TSNAXIP1: variants seen among roughly 807,000 people sequenced by gnomAD.
The protein encoded by TSNAXIP1 is translin associated factor X interacting protein 1.
In TSNAXIP1, 89 loss-of-function variants were observed where a neutral mutation model predicts 84.8. That is an observed-to-expected ratio of 1.05 (90% confidence interval 0.88 to 1.25). The LOEUF (loss-of-function observed/expected upper bound fraction) is 1.25. Among genes scored for constraint, TSNAXIP1 ranks in the 50% most tolerant of loss-of-function variants. TSNAXIP1 has a pLI of 0.00. For synonymous variants in TSNAXIP1, 347 were observed against 335.2 expected (o/e 1.04, Z -0.39); for missense variants, 874 against 887.6 (o/e 0.98, Z 0.20).
rs2055508510 is a variant in TSNAXIP1, at chr16:67,807,142, C to G, written c.-8C>G. On this transcript the variant is annotated 5_prime_UTR_variant, in exon 1 of 16. Transcript: ENST00000561639. ...CGCGGGTGCTGATTGCCCGCCTGCC[C>G]GTGGGTCATGGCCTGCCAGCAGTCG... 3.3e-6 allele frequency: 5 copies of G among 1,535,058 alleles called. No individual in the cohort carries two copies. Among genetic ancestry groups the G allele is most frequent in the Non-Finnish European group, 4.4e-6 (5 of 1,146,778 alleles).
At position 67,814,286 on chromosome 16, in the gene TSNAXIP1, T is replaced by C; in HGVS notation, c.48-16T>C. The C allele has an allele frequency of 6.5e-7, 1 of 1,530,764 alleles. No individual in the cohort carries two copies. Among genetic ancestry groups the C allele is most frequent in the Non-Finnish European group, 8.8e-7 (1 of 1,142,134 alleles). The allele number at this position is 1,530,764 out of a possible 1,614,324, so 94.8% of individuals were successfully genotyped here. A position where few individuals can be genotyped will look rare whatever the true frequency, so the allele number is the denominator to read the frequency against. On this transcript the variant is annotated splice_polypyrimidine_tract_variant and intron_variant, in intron 1 of 15. Transcript: ENST00000561639. ...GGACTCTGTCACCCACCATCAGCTT[T>C]CCCTTCTCTGTGCAGATTACAGCCA...
chr16:67,819,795 A>G (rs2151232163), intron 2 of TSNAXIP1, among the ~76,000 whole-genome samples: 1 of 143,604 alleles, frequency 7.0e-6, no homozygotes, highest in South Asian at 2.3e-4. Context: ...CTATAAGCAC[A>G]TGCCACCACA....
At chr16:67,809,396 T>C (rs1656262724) in intron 1 of TSNAXIP1, among the ~76,000 whole-genome samples, 1 of 148,326 alleles carries the variant, frequency 6.7e-6, no homozygotes. Flanking sequence ...GAGGTGGAGG[T>C]TGCAGTGAGC....
chr16:67,823,461 T>C (rs2057213188), intron 4 of TSNAXIP1, among the ~76,000 whole-genome samples, 165 bp from the exon 5 acceptor site: 2 of 151,882 alleles, frequency 1.3e-5, no homozygotes, highest in African/African-American at 4.8e-5. Context: ...GAGAATCACT[T>C]GAACCTGGGA....
chr16:67,820,919 AC>A lies in TSNAXIP1; in HGVS notation c.231del (p.Cys78ValfsTer9). 3 of 1,604,350 alleles carry A rather than the reference AC, an allele frequency of 1.9e-6. No individual in the cohort carries two copies. Among genetic ancestry groups the A allele is most frequent in the Non-Finnish European group, 2.6e-6 (3 of 1,175,424 alleles). The stretch of plus-strand genomic sequence containing the variant: ...GCCAGACCATTTTGCAAAATCGAAA[AC>A]CCTGTTCAGATGACTACCGGAAGCG... ...SGQTILQNRK[P>X]CSDDYRKRVG... On this transcript the variant is annotated frameshift_variant, in exon 3 of 16. Coordinates refer to ENST00000561639, the MANE Select transcript of TSNAXIP1 (RefSeq NM_001288990.3). LOFTEE classifies it high-confidence loss of function.
rs756673528 is a variant in TSNAXIP1 at position 67,825,815 on chromosome 16, C to T, written c.963C>T (p.Thr321=). 2 of 1,614,022 alleles carry T rather than the reference C, an allele frequency of 1.2e-6. No homozygotes were observed. Among genetic ancestry groups the T allele is most frequent in the East Asian group, 2.2e-5 (1 of 44,890 alleles). ...PRRDFEMQEK[T]NKDLQEQLDT... ...GGGACTTTGAAATGCAGGAGAAGACCAACAAGGATCTTCAGGAGCAGGTGC... is the reference window on the plus strand; with the variant it reads ...GGGACTTTGAAATGCAGGAGAAGACTAACAAGGATCTTCAGGAGCAGGTGC... Residue 321 remains threonine, a synonymous_variant, in exon 8 of 16, where the codon ACC becomes ACT. Coordinates refer to ENST00000561639, the MANE Select transcript of TSNAXIP1 (RefSeq NM_001288990.3).
intron 12 of TSNAXIP1, 31 bp from the exon 13 acceptor site, chr16:67,826,932 C>T: frequency 6.2e-7 from 1 of 1,613,426 alleles, no homozygotes; most frequent in Non-Finnish European, 8.5e-7. Context: ...CTCCCAGGAA[C>T]AGCAGGTGAA....
chr16:67,811,436 C>CTTTTTTTTTTTTTT (rs1190285857), intron 1 of TSNAXIP1, among the ~76,000 whole-genome samples: 1 of 101,980 alleles, frequency 9.8e-6, no homozygotes, highest in African/African-American at 4.4e-5. Context: ...ATTGATTAGT[C>CTTTTTTTTTTTTTT]TTTTTTTTTT....
chr16:67,819,815 A>ATT lies in TSNAXIP1; in HGVS notation c.148-1003_148-1002dup, dbSNP rs1162375778. On this transcript the variant is annotated intron_variant, in intron 2 of 15. Coordinates refer to ENST00000561639, the MANE Select transcript of TSNAXIP1 (RefSeq NM_001288990.3). ...AGCACATGCCACCACACCTGGCTAA[A>ATT]TTTTTTTTTTTTTTTTTTTTTTGAG... Among the ~76,000 whole-genome samples the ATT allele has an allele frequency of 5.8e-4, 60 of 102,614 alleles. 1 individual carries two copies. The highest frequency in any genetic ancestry group is 1.3e-3 in the African/African-American group (32 of 23,816). The allele number at this position is 102,614 out of a possible 152,430, so 67.3% of individuals were successfully genotyped here.
At chr16:67,818,703 CTTT>C (rs910240626) in intron 2 of TSNAXIP1, among the ~76,000 whole-genome samples, 7 of 135,530 alleles carry the variant, frequency 5.2e-5, no homozygotes, top group East Asian at 2.1e-4. Flanking sequence ...AGACCCCATC[CTTT>C]TTTTTTTTTT....
At chr16:67,826,915 C>T in intron 12 of TSNAXIP1, 48 bp from the exon 13 acceptor site, 1 of 1,612,688 alleles carries the variant, frequency 6.2e-7, no homozygotes. Context: ...CAGCTTTGCC[C>T]CCACCACTCC....
At chr16:67,811,840 A>C (rs1261704340) in intron 1 of TSNAXIP1, among the ~76,000 whole-genome samples, 1 of 152,076 alleles carries the variant, frequency 6.6e-6, no homozygotes, top group African/African-American at 2.4e-5. Flanking sequence ...TCTCACACCC[A>C]AGCTCATCTG....
At position 67,827,744 on chromosome 16, in the gene TSNAXIP1, G is replaced by A. The variant is rs1029443026; in HGVS notation, c.1899-9G>A. 15 of 1,613,736 alleles carry A rather than the reference G, an allele frequency of 9.3e-6. No homozygotes were observed. The highest frequency in any genetic ancestry group is 8.3e-5 in the Admixed American group (5 of 59,990). On this transcript the variant is annotated splice_polypyrimidine_tract_variant and intron_variant, in intron 15 of 15. Transcript: ENST00000561639. ...GTCAGGGCCTGTCACTCTCTTTCCT[G>A]TGGGGCAGCCATGAGGAAGTGACTC...
chr16:67,814,400 T>TTCACTAACGAA lies in TSNAXIP1; in HGVS notation c.146_147insTCACTAACGAA (p.Thr50HisfsTer2). 1 of 1,535,716 alleles carries TTCACTAACGAA rather than the reference T, an allele frequency of 6.5e-7. No individual in the cohort carries two copies. Among genetic ancestry groups the TTCACTAACGAA allele is most frequent in the Non-Finnish European group, 8.7e-7 (1 of 1,146,592 alleles). On this transcript the variant is annotated stop_gained and frameshift_variant and splice_region_variant, in exon 2 of 16. Coordinates refer to ENST00000561639, the MANE Select transcript of TSNAXIP1 (RefSeq NM_001288990.3). LOFTEE classifies it high-confidence loss of function. ...AAGCTTCTTCAGAAACGAAGGACGCTGGTTAGTGACAATGTTGTTTTGGAA... is the reference window on the plus strand; with the variant it reads ...AAGCTTCTTCAGAAACGAAGGACGCTTCACTAACGAAGGTTAGTGACAATGTTGTTTTGGAA...
chr16:67,826,286 G>C lies in TSNAXIP1; in HGVS notation c.1275+4G>C, dbSNP rs772633366. 3 of 1,577,916 alleles carry C rather than the reference G, an allele frequency of 1.9e-6. No homozygotes were observed. The highest frequency in any genetic ancestry group is 2.6e-6 in the Non-Finnish European group (3 of 1,160,326). ...GAAAGACTTCTTCCCTGGTCTGGTA[G>C]GGGAGGCCCCAGGAGTGGGGCTTGG... On this transcript the variant is annotated splice_donor_region_variant and intron_variant, in intron 10 of 15. Coordinates refer to ENST00000561639, the MANE Select transcript of TSNAXIP1 (RefSeq NM_001288990.3).
At chr16:67,820,804 G>A in intron 2 of TSNAXIP1, 35 bp from the exon 3 acceptor site, 1 of 1,443,080 alleles carries the variant, frequency 6.9e-7, no homozygotes, top group Non-Finnish European at 9.3e-7. Flanking sequence ...GGGGAGCAAT[G>A]TTGCCATGGC....
At chr16:67,826,940 G>A (rs1028834826) in intron 12 of TSNAXIP1, 23 bp from the exon 13 acceptor site, 2 of 1,613,766 alleles carry the variant, frequency 1.2e-6, no homozygotes, top group Non-Finnish European at 1.7e-6. Context: ...AACAGCAGGT[G>A]AATAATGCTT....
At chr16:67,815,966 ATTTTTTTT>A (rs59743468) in intron 2 of TSNAXIP1, among the ~76,000 whole-genome samples, 1 of 124,048 alleles carries the variant, frequency 8.1e-6, no homozygotes, top group East Asian at 2.2e-4. Context: ...TGCCCGGCTA[ATTTTTTTT>A]TTTTTTTTTT....
At chr16:67,817,305 G>A (rs1349125045) in intron 2 of TSNAXIP1, among the ~76,000 whole-genome samples, 3 of 148,140 alleles carry the variant, frequency 2.0e-5, no homozygotes, top group Admixed American at 1.3e-4. Context: ...GCCCGCCACC[G>A]CGCCCGGCTA....
Sources: gnomAD v4.1 joint callset for allele counts (sites outside exome capture counted in the v4.1 genomes callset) on GRCh38, gnomAD v4.1.1 for gene constraint, MANE v1.5 for transcripts, NCBI Gene and HGNC (gene_info 2026-07-23, HGNC 2026-07-21) for gene names.